The following FNIP1 variants were observed in gnomAD, a reference collection of about 807,000 sequenced individuals.
The protein encoded by FNIP1 is folliculin-interacting protein 1.
A neutral mutation model predicts 124.5 loss-of-function variants in FNIP1; 40 were observed. The ratio of observed to expected loss-of-function variants is 0.32; its 90% CI spans 0.25 to 0.42. FNIP1 has a LOEUF of 0.42. Among genes scored for constraint, FNIP1 ranks in the 10% least tolerant of loss-of-function variants. The pLI is 1.00. For missense variants in FNIP1, 1,176 were observed against 1,403.7 expected (o/e 0.84, Z 2.59); for synonymous variants, 472 against 470.6 (o/e 1.00, Z -0.04).
At chr5:131,662,107 C>G (rs1767458958) in intron 15 of FNIP1, among the ~76,000 whole-genome samples, 1 of 152,166 alleles carries the variant, frequency 6.6e-6, no homozygotes. Context: ...TCCGAAAGGG[C>G]TGGGAGTCTG....
At chr5:131,736,281 A>G (rs1453246818) in intron 2 of FNIP1, among the ~76,000 whole-genome samples, 1 of 152,208 alleles carries the variant, frequency 6.6e-6, no homozygotes, top group Non-Finnish European at 1.5e-5. Flanking sequence ...TTTCTCTAAT[A>G]CTAAGCATGG....
chr5:131,651,250 AGG>A (rs1767029957), intron 16 of FNIP1, among the ~76,000 whole-genome samples: 2 of 152,100 alleles, frequency 1.3e-5, no homozygotes, highest in Non-Finnish European at 2.9e-5. Flanking sequence ...AATATTAGTC[AGG>A]TGTGGTAGCA....
At chr5:131,709,641 T>C (rs1460894771) in intron 7 of FNIP1, among the ~76,000 whole-genome samples, 1 of 152,214 alleles carries the variant, frequency 6.6e-6, no homozygotes, top group African/African-American at 2.4e-5. Flanking sequence ...CATAGTTCAC[T>C]GTACTGTTTC....
At chr5:131,724,232 G>T (rs577304616) in intron 3 of FNIP1, among the ~76,000 whole-genome samples, 1 of 152,112 alleles carries the variant, frequency 6.6e-6, no homozygotes, top group Non-Finnish European at 1.5e-5. Context: ...CCCAGTAATG[G>T]GATTGCTGGG....
At chr5:131,760,987 C>G (rs1345976549) in intron 1 of FNIP1, among the ~76,000 whole-genome samples, 4 of 152,148 alleles carry the variant, frequency 2.6e-5, no homozygotes, top group Non-Finnish European at 5.9e-5. Context: ...CCCAATACAG[C>G]AACATGCCAA....
chr5:131,667,748 C>G (rs1309064328), intron 15 of FNIP1, among the ~76,000 whole-genome samples: 4 of 152,188 alleles, frequency 2.6e-5, no homozygotes, highest in African/African-American at 4.8e-5. Flanking sequence ...GCCACCACAC[C>G]CAGCTAATCT....
chr5:131,790,075 TTG>T (rs1772353753), intron 1 of FNIP1, among the ~76,000 whole-genome samples: 3 of 152,228 alleles, frequency 2.0e-5, no homozygotes, highest in Admixed American at 2.0e-4. Flanking sequence ...GCCCTTAAAA[TTG>T]TTATTTCATT....
intron 15 of FNIP1, among the ~76,000 whole-genome samples, chr5:131,653,252 T>A (rs1343403122): frequency 1.3e-5 from 2 of 150,256 alleles, no homozygotes; most frequent in Non-Finnish European, 3.0e-5. Context: ...AAAAAAAAAA[T>A]TCAGGCTGGG....
intron 1 of FNIP1, among the ~76,000 whole-genome samples, chr5:131,759,437 A>G (rs1356916788): frequency 6.6e-6 from 1 of 152,118 alleles, no homozygotes; most frequent in Non-Finnish European, 1.5e-5. Context: ...AAATGGCCAA[A>G]GACATGCACT....
intron 10 of FNIP1, among the ~76,000 whole-genome samples, chr5:131,700,453 T>C (rs186409158): frequency 1.3e-5 from 2 of 149,492 alleles, no homozygotes; most frequent in African/African-American, 5.1e-5. Context: ...TGATTAAATA[T>C]TGTTTAAAAA....
intron 1 of FNIP1, among the ~76,000 whole-genome samples, chr5:131,775,104 C>T (rs758362463): frequency 1.2e-4 from 19 of 152,200 alleles, no homozygotes; most frequent in Non-Finnish European, 1.2e-4. Flanking sequence ...TGCAAAAATA[C>T]TTATGATCAA....
Position 131,776,199 on chromosome 5 carries a change from T to C in FNIP1, c.92+20631A>G, listed in dbSNP as rs564275686. ...AAAACTGACGTCACTGGTGTACTTC[T>C]GCATATTTTATATGGTAAGGTGTAG... is the stretch of plus-strand genomic sequence containing the variant. On this transcript the variant is annotated intron_variant, in intron 1 of 17. Transcript: ENST00000510461. 1.1e-4 allele frequency among the ~76,000 whole-genome samples: 17 copies of C among 152,352 alleles called. No individual in the cohort carries two copies. In the East Asian group the frequency reaches 3.3e-3, roughly 29 times the overall value.
intron 10 of FNIP1, among the ~76,000 whole-genome samples, chr5:131,700,663 A>C (rs1436124395): frequency 6.6e-6 from 1 of 152,302 alleles, no homozygotes; most frequent in Non-Finnish European, 1.5e-5. Flanking sequence ...TTTTAAATTA[A>C]ATCACAAATC....
At chr5:131,779,554 G>A (rs531888252) in intron 1 of FNIP1, among the ~76,000 whole-genome samples, 7 of 151,612 alleles carry the variant, frequency 4.6e-5, no homozygotes, top group African/African-American at 9.7e-5. Context: ...CAGGCATGGC[G>A]GCGTGCGCCT....
At chr5:131,787,332 T>G (rs546983495) in intron 1 of FNIP1, among the ~76,000 whole-genome samples, 1 of 152,284 alleles carries the variant, frequency 6.6e-6, no homozygotes, top group African/African-American at 2.4e-5. Context: ...CAAAAGAGAA[T>G]GAAGCCTGAG....
intron 1 of FNIP1, 100 bp downstream of exon 1, chr5:131,796,730 G>T: frequency 8.9e-7 from 1 of 1,123,576 alleles, no homozygotes; most frequent in Non-Finnish European, 1.2e-6. Context: ...TCTCGGCGCG[G>T]CGCTTCCGCT....
intron 3 of FNIP1, among the ~76,000 whole-genome samples, chr5:131,727,080 T>A (rs894406290): frequency 6.6e-6 from 1 of 152,206 alleles, no homozygotes. Flanking sequence ...ATGTGGTCAA[T>A]TTTAGAATAA....
At chr5:131,657,431 A>G (rs31584) in intron 15 of FNIP1, among the ~76,000 whole-genome samples, 119,157 of 151,970 alleles carry the variant, frequency 0.78, 46,956 homozygotes, top group African/African-American at 0.83. Context: ...GTGTTGAAGT[A>G]GTCTAATTGC....
intron 11 of FNIP1, among the ~76,000 whole-genome samples, chr5:131,679,448 A>G (rs1395031069): frequency 6.6e-6 from 1 of 152,292 alleles, no homozygotes; most frequent in East Asian, 1.9e-4. Flanking sequence ...TGTTTCCCAT[A>G]CCTGTAAAAT....
Sources: allele counts gnomAD v4.1 joint callset (sites outside exome capture counted in the v4.1 genomes callset), GRCh38; gene constraint gnomAD v4.1.1; transcripts MANE v1.5; gene names NCBI Gene and HGNC (gene_info 2026-07-23, HGNC 2026-07-21).